The following ANO3 variants were observed in gnomAD, a reference collection of about 807,000 sequenced individuals.
ANO3 encodes the protein anoctamin 3.
Under a neutral mutation model 144.8 loss-of-function variants are expected in ANO3, and 99 were observed. The ratio of observed to expected loss-of-function variants is 0.68; its 90% CI spans 0.58 to 0.81. The LOEUF (loss-of-function observed/expected upper bound fraction) is 0.81. Among genes scored for constraint, ANO3 ranks in the 30% least tolerant of loss-of-function variants. ANO3 has a pLI of 0.00. For missense variants in ANO3, 905 were observed against 1,202.2 expected (o/e 0.75, Z 3.66); for synonymous variants, 414 against 392.6 (o/e 1.05, Z -0.64).
intron 4 of ANO3, among the ~76,000 whole-genome samples, chr11:26,480,213 A>G (rs970060107): frequency 1.3e-5 from 2 of 152,176 alleles, no homozygotes; most frequent in African/African-American, 2.4e-5. Flanking sequence ...CTTACAAAAC[A>G]CTTTCCACAC....
chr11:26,504,929 G>A (rs1228422667), intron 4 of ANO3, among the ~76,000 whole-genome samples: 8 of 147,522 alleles, frequency 5.4e-5, no homozygotes, highest in Non-Finnish European at 8.9e-5. Flanking sequence ...GGAGAATGGC[G>A]TGAACCCTGG....
chr11:26,486,092 G>A (rs1276585445), intron 4 of ANO3, among the ~76,000 whole-genome samples: 1 of 151,972 alleles, frequency 6.6e-6, no homozygotes. Flanking sequence ...AGCCAGGCGC[G>A]ATGGCTCATG....
intron 7 of ANO3, among the ~76,000 whole-genome samples, chr11:26,528,127 G>A (rs556970213): frequency 6.6e-6 from 1 of 152,132 alleles, no homozygotes; most frequent in Non-Finnish European, 1.5e-5. Context: ...TAATGTATTA[G>A]ATTACACTGG....
chr11:26,489,089 C>T (rs1168642537), intron 4 of ANO3, among the ~76,000 whole-genome samples: 1 of 152,226 alleles, frequency 6.6e-6, no homozygotes, highest in Non-Finnish European at 1.5e-5. Context: ...GGCTTCACCT[C>T]TCACCATCAC....
intron 1 of ANO3, among the ~76,000 whole-genome samples, chr11:26,415,830 G>T (rs1196744065): frequency 6.6e-6 from 1 of 152,024 alleles, no homozygotes; most frequent in Non-Finnish European, 1.5e-5. Context: ...TTTCTATAAT[G>T]TCAGTCTGTC....
chr11:26,630,914 A>G (rs1008880492), intron 18 of ANO3, among the ~76,000 whole-genome samples: 16 of 152,062 alleles, frequency 1.1e-4, no homozygotes, highest in Admixed American at 7.9e-4. Flanking sequence ...TAAGAGTTTC[A>G]TAGAATCAAC....
At position 26,577,042 on chromosome 11, in the gene ANO3, C is replaced by T. The variant is rs940818729; in HGVS notation, c.1447+17263C>T. ...TTTTTCACTTAAGGACATTCCTTGG[C>T]CACATTTATATGATTGTGAGCAGTT... On this transcript the variant is annotated intron_variant, in intron 14 of 26. Transcript: ENST00000256737. Among the ~76,000 whole-genome samples, 3 of 152,058 alleles carry T rather than the reference C, an allele frequency of 2.0e-5. No individual in the cohort carries two copies. The East Asian group carries it at 5.8e-4, about 29-fold the overall frequency.
At chr11:26,348,773 T>TG (rs1358597876) in intron 1 of ANO3, among the ~76,000 whole-genome samples, 1 of 152,188 alleles carries the variant, frequency 6.6e-6, no homozygotes, top group Non-Finnish European at 1.5e-5. Flanking sequence ...ACATCAGAAA[T>TG]GTTATTTGCT....
At chr11:26,205,796 G>A (rs1851784813) in intron 1 of ANO3, among the ~76,000 whole-genome samples, 1 of 152,202 alleles carries the variant, frequency 6.6e-6, no homozygotes, top group African/African-American at 2.4e-5. Context: ...CTTAGGCATT[G>A]TCTAAGTCCC....
intron 12 of ANO3, among the ~76,000 whole-genome samples, chr11:26,549,771 T>C (rs2134222583): frequency 6.6e-6 from 1 of 152,058 alleles, no homozygotes; most frequent in South Asian, 2.1e-4. Flanking sequence ...ACGTGTGGCC[T>C]GGTTTTAAGG....
intron 1 of ANO3, among the ~76,000 whole-genome samples, chr11:26,355,554 C>T (rs1385651252): frequency 9.4e-5 from 14 of 148,436 alleles, no homozygotes; most frequent in African/African-American, 3.0e-4. Flanking sequence ...AAATTTCTTT[C>T]TTTCTTTCTT....
At chr11:26,423,626 C>G (rs555804983) in intron 1 of ANO3, among the ~76,000 whole-genome samples, 145 of 151,936 alleles carry the variant, frequency 9.5e-4, no homozygotes, top group African/African-American at 3.4e-3. Flanking sequence ...TCATATGTGC[C>G]AAGCACAACG....
At chr11:26,277,016 C>T (rs1477060385) in intron 1 of ANO3, among the ~76,000 whole-genome samples, 4 of 152,054 alleles carry the variant, frequency 2.6e-5, no homozygotes, top group African/African-American at 9.7e-5. Context: ...GGTAAGCTTG[C>T]CCTCTAGTGG....
intron 1 of ANO3, among the ~76,000 whole-genome samples, chr11:26,339,459 G>A (rs534674541): frequency 2.0e-5 from 3 of 152,274 alleles, no homozygotes; most frequent in South Asian, 2.1e-4. Context: ...CTGGCCCAAA[G>A]TCCACATTTG....
At chr11:26,621,905 C>G (rs1459510356) in intron 17 of ANO3, among the ~76,000 whole-genome samples, 3 of 152,092 alleles carry the variant, frequency 2.0e-5, no homozygotes, top group African/African-American at 4.8e-5. Flanking sequence ...CCCTGACGCC[C>G]TTTATCCTCT....
At chr11:26,615,851 C>T (rs149727109) in intron 17 of ANO3, among the ~76,000 whole-genome samples, 5 of 152,184 alleles carry the variant, frequency 3.3e-5, no homozygotes, top group African/African-American at 9.6e-5. Context: ...CTTTATATCA[C>T]GTCTGCATTG....
intron 7 of ANO3, 33 bp from the exon 8 acceptor site, chr11:26,531,172 C>A: frequency 6.2e-7 from 1 of 1,612,038 alleles, no homozygotes; most frequent in South Asian, 1.1e-5. Flanking sequence ...GGAATACAAC[C>A]TAATCTAGTT....
chr11:26,593,279 C>T (rs1328562102), intron 14 of ANO3, among the ~76,000 whole-genome samples: 1 of 152,056 alleles, frequency 6.6e-6, no homozygotes, highest in Non-Finnish European at 1.5e-5. Flanking sequence ...GTATAATGGC[C>T]CCTGCTTTTG....
chr11:26,240,016 A>G lies in ANO3; in HGVS notation c.154+50686A>G, dbSNP rs190848689. On this transcript the variant is annotated intron_variant, in intron 1 of 27. Transcript: ENST00000672621. ...TTCATATCCTTGTTAAGATTGTAAGATGTGGATCTCATTTGCTAGGGTTTA... is the reference window on the plus strand; with the variant it reads ...TTCATATCCTTGTTAAGATTGTAAGGTGTGGATCTCATTTGCTAGGGTTTA... Among the ~76,000 whole-genome samples, 251 of 152,232 alleles carry G rather than the reference A, an allele frequency of 1.6e-3. 2 individuals are homozygous for G. Among genetic ancestry groups the G allele is most frequent in the Non-Finnish European group, 1.8e-3 (125 of 68,008 alleles).
Sources: gnomAD v4.1 joint callset for allele counts (sites outside exome capture counted in the v4.1 genomes callset) on GRCh38, gnomAD v4.1.1 for gene constraint, MANE v1.5 for transcripts, NCBI Gene and HGNC (gene_info 2026-07-23, HGNC 2026-07-21) for gene names.